EXT1: variants seen among roughly 807,000 people sequenced by gnomAD.
EXT1 encodes the protein exostosin-1.
EXT1 carries 20 observed loss-of-function variants against 82.5 expected under a neutral mutation model. The observed-to-expected ratio is 0.24, with a 90% confidence interval of 0.17 to 0.35. The LOEUF (loss-of-function observed/expected upper bound fraction) is 0.35, where lower values mean the gene tolerates loss of function less well. Ranked by LOEUF, EXT1 falls within the 10% of genes least tolerant of loss-of-function variation. The pLI is 1.00. For missense variants in EXT1, 757 were observed against 936.5 expected (o/e 0.81, Z 2.50); for synonymous variants, 348 against 350.8 (o/e 0.99, Z 0.09).
Position 117,804,798 on chromosome 8 carries a change from AG to A in EXT1, c.1978del (p.Leu660TrpfsTer5). The A allele has an allele frequency of 6.2e-7, 1 of 1,614,156 alleles. No individual in the cohort carries two copies. The highest frequency in any genetic ancestry group is 1.1e-5 in the South Asian group (1 of 91,078). ...ANCEDILMNF[L>X]VSAVTKLPPI... is the part of the protein sequence containing the mutation. ...AGGCAATTTTGTCACAGCAGACACC[AG>A]GAAGTTCATGAGAATGTCCTCACAA... On this transcript the variant is annotated frameshift_variant, in exon 10 of 11. Coordinates refer to ENST00000378204, the MANE Select transcript of EXT1 (RefSeq NM_000127.3). LOFTEE classifies it high-confidence loss of function.
chr8:117,837,040 A>T, intron 2 of EXT1, 68 bp downstream of exon 2: 1 of 1,048,234 alleles, frequency 9.5e-7, no homozygotes, highest in Non-Finnish European at 1.5e-6. Context: ...GAGAGGTGAT[A>T]ATGTTAAACC....
chr8:117,833,673 T>C (rs764428301), intron 3 of EXT1, among the ~76,000 whole-genome samples: 15 of 152,006 alleles, frequency 9.9e-5, no homozygotes, highest in Non-Finnish European at 1.9e-4. Context: ...ATGCGCTCCA[T>C]ACCAAAGACA....
chr8:117,948,431 G>A (rs1050728904), intron 1 of EXT1, among the ~76,000 whole-genome samples: 4 of 152,006 alleles, frequency 2.6e-5, no homozygotes, highest in Admixed American at 1.3e-4. Flanking sequence ...TCAAGCAGCA[G>A]GTTGTATTCT....
chr8:117,871,509 C>T (rs1812869855), intron 1 of EXT1, among the ~76,000 whole-genome samples: 1 of 152,172 alleles, frequency 6.6e-6, no homozygotes, highest in Non-Finnish European at 1.5e-5. Context: ...CTAATGTATG[C>T]AAGGCAGATT....
intron 1 of EXT1, among the ~76,000 whole-genome samples, chr8:118,014,927 A>G (rs1195486927): frequency 6.6e-6 from 1 of 152,192 alleles, no homozygotes; most frequent in African/African-American, 2.4e-5. Context: ...GGAATTTTCA[A>G]AGCTTTTATA....
At chr8:117,834,414 G>A (rs1260429081) in intron 3 of EXT1, among the ~76,000 whole-genome samples, 1 of 152,160 alleles carries the variant, frequency 6.6e-6, no homozygotes, top group Non-Finnish European at 1.5e-5. Flanking sequence ...AGAACAGCAT[G>A]ACCAACATGG....
At chr8:117,801,248 C>G (rs765830255) in intron 10 of EXT1, among the ~76,000 whole-genome samples, 11 of 152,222 alleles carry the variant, frequency 7.2e-5, no homozygotes, top group Non-Finnish European at 1.3e-4. Context: ...TCACCACAAT[C>G]TGGTGAAGTA....
chr8:117,979,614 T>C (rs1815143300), intron 1 of EXT1, among the ~76,000 whole-genome samples: 2 of 151,796 alleles, frequency 1.3e-5, no homozygotes, highest in South Asian at 4.2e-4. Flanking sequence ...AACACGAACA[T>C]GAAAAAGTCA....
intron 5 of EXT1, among the ~76,000 whole-genome samples, chr8:117,822,248 A>G (rs1463939437): frequency 6.6e-6 from 1 of 152,216 alleles, no homozygotes; most frequent in Non-Finnish European, 1.5e-5. Flanking sequence ...AATATGAAGT[A>G]GAGCTGCACA....
At chr8:118,083,969 T>A (rs1462451952) in intron 1 of EXT1, among the ~76,000 whole-genome samples, 1 of 152,106 alleles carries the variant, frequency 6.6e-6, no homozygotes, top group Non-Finnish European at 1.5e-5. Flanking sequence ...GCAGAGGCTG[T>A]AGTGAGCCAA....
At chr8:117,870,119 T>C (rs750441411) in intron 1 of EXT1, among the ~76,000 whole-genome samples, 3 of 152,042 alleles carry the variant, frequency 2.0e-5, no homozygotes, top group Non-Finnish European at 4.4e-5. Flanking sequence ...ATTAGGAAAA[T>C]GAAAAAACTT....
chr8:117,897,765 T>C (rs1164685946), intron 1 of EXT1, among the ~76,000 whole-genome samples: 1 of 151,752 alleles, frequency 6.6e-6, no homozygotes, highest in East Asian at 1.9e-4. Flanking sequence ...CAGCTAATTT[T>C]TGTATTTTTA....
At position 117,819,936 on chromosome 8, in the gene EXT1, G is replaced by C. The variant is rs1811896055; in HGVS notation, c.1418-142C>G. 6 of 788,942 alleles carry C rather than the reference G, an allele frequency of 7.6e-6. No homozygotes were observed. In the Admixed American group the frequency reaches 1.5e-4, roughly 20 times the overall value. The allele number at this position is 788,942 out of a possible 1,614,324, so 48.9% of individuals were successfully genotyped here. On this transcript the variant is annotated intron_variant, in intron 5 of 10. Transcript: ENST00000378204. ...TCCTTTGCTTCTTATGTCCTGACAG[G>C]ACAGAAACAAGATGAAAAGCTGCTG...
At chr8:118,056,574 C>G (rs1816798627) in intron 1 of EXT1, among the ~76,000 whole-genome samples, 1 of 152,060 alleles carries the variant, frequency 6.6e-6, no homozygotes, top group African/African-American at 2.4e-5. Flanking sequence ...GAAAAGGGAC[C>G]GTTTGAAAGA....
At chr8:118,076,134 A>C (rs1402812185) in intron 1 of EXT1, among the ~76,000 whole-genome samples, 1 of 152,202 alleles carries the variant, frequency 6.6e-6, no homozygotes, top group Non-Finnish European at 1.5e-5. Context: ...CCTCCCAGAA[A>C]ATTTGTAAGT....
chr8:118,021,997 C>T (rs1816111157), intron 1 of EXT1, among the ~76,000 whole-genome samples: 1 of 152,132 alleles, frequency 6.6e-6, no homozygotes, highest in Non-Finnish European at 1.5e-5. Flanking sequence ...GCTCTTTATC[C>T]AAATCTGCAC....
intron 1 of EXT1, among the ~76,000 whole-genome samples, chr8:118,087,987 C>A (rs1214670255): frequency 2.0e-5 from 3 of 146,436 alleles, no homozygotes; most frequent in Non-Finnish European, 3.0e-5. Context: ...GTGAAGAGAA[C>A]TGCTTTTAAT....
chr8:117,889,367 T>C (rs930840381), intron 1 of EXT1, among the ~76,000 whole-genome samples: 1 of 152,230 alleles, frequency 6.6e-6, no homozygotes. Context: ...ATATACACCG[T>C]GAGTTAAAAC....
intron 1 of EXT1, among the ~76,000 whole-genome samples, chr8:117,966,893 T>C (rs922964450): frequency 4.6e-5 from 7 of 152,236 alleles, no homozygotes; most frequent in Non-Finnish European, 7.3e-5. Context: ...CAATACTTTA[T>C]TGCAACATTA....
Sources: gnomAD v4.1 joint callset for allele counts (sites outside exome capture counted in the v4.1 genomes callset) on GRCh38, gnomAD v4.1.1 for gene constraint, MANE v1.5 for transcripts, NCBI Gene and HGNC (gene_info 2026-07-23, HGNC 2026-07-21) for gene names.